Variants in TANK observed in about 807,000 individuals in gnomAD.
The protein encoded by TANK is TRAF family member-associated NF-kappa-B activator.
TANK carries 15 observed loss-of-function variants against 43.6 expected under a neutral mutation model. The observed-to-expected ratio is 0.34, with a 90% CI of 0.23 to 0.53. The LOEUF (loss-of-function observed/expected upper bound fraction) is 0.53. Among genes scored for constraint, TANK ranks in the 20% least tolerant of loss-of-function variants. The pLI, the probability that TANK is intolerant of heterozygous loss-of-function variation, is 0.94. For synonymous variants in TANK, 162 were observed against 178.2 expected (o/e 0.91, Z 0.73); for missense variants, 417 against 498.6 (o/e 0.84, Z 1.56).
chr2:161,202,831 TTG>T, intron 2 of TANK: 1 of 465,396 alleles, frequency 2.1e-6, no homozygotes. Context: ...CAGTACAAAC[TTG>T]TGTCTTTTTT....
chr2:161,139,379 A>G (rs1683678164), intron 1 of TANK, among the ~76,000 whole-genome samples: 1 of 152,196 alleles, frequency 6.6e-6, no homozygotes, highest in African/African-American at 2.4e-5. Context: ...TATTTAAATA[A>G]AAACAAAATA....
chr2:161,155,839 T>C (rs1003681211), upstream of TANK, among the ~76,000 whole-genome samples: 16 of 152,194 alleles, frequency 1.1e-4, no homozygotes, highest in Admixed American at 9.2e-4. Context: ...ATTGCCTGAT[T>C]CTTGTATGTA....
chr2:161,143,930 A>G (rs878984143), intron 1 of TANK, among the ~76,000 whole-genome samples: 1 of 152,128 alleles, frequency 6.6e-6, no homozygotes, highest in Non-Finnish European at 1.5e-5. Flanking sequence ...TCATCCATGA[A>G]TCCATCTGGT....
intron 4 of TANK, among the ~76,000 whole-genome samples, chr2:161,211,438 G>T (rs1686883388): frequency 6.6e-6 from 1 of 152,106 alleles, no homozygotes; most frequent in Admixed American, 6.5e-5. Flanking sequence ...GCTGTATGTT[G>T]TCCAGGTACC....
chr2:161,233,222 A>G (rs1559013679), intron 7 of TANK, among the ~76,000 whole-genome samples: 2 of 152,044 alleles, frequency 1.3e-5, no homozygotes, highest in African/African-American at 2.4e-5. Flanking sequence ...TGTCTCTACA[A>G]ATACGTATAG....
At chr2:161,194,004 T>C (rs1031949934) in intron 2 of TANK, among the ~76,000 whole-genome samples, 5 of 152,194 alleles carry the variant, frequency 3.3e-5, no homozygotes, top group African/African-American at 7.2e-5. Context: ...TAATATGGAA[T>C]TAAATATTTA....
intron 1 of TANK, among the ~76,000 whole-genome samples, chr2:161,150,607 TTTC>T (rs1216235243): frequency 0.026 from 3,639 of 142,230 alleles, 106 homozygotes; most frequent in East Asian, 0.14. Flanking sequence ...TTTTTTTTTT[TTTC>T]TTTTGAGATG....
intron 4 of TANK, among the ~76,000 whole-genome samples, chr2:161,210,720 T>C (rs1314596117): frequency 6.6e-6 from 1 of 151,130 alleles, no homozygotes; most frequent in Non-Finnish European, 1.5e-5. Context: ...AAAAAGAAAT[T>C]CTAACTATAA....
intron 4 of TANK, among the ~76,000 whole-genome samples, chr2:161,218,943 A>G (rs573687067): frequency 1.1e-4 from 16 of 152,268 alleles, no homozygotes; most frequent in African/African-American, 3.1e-4. Flanking sequence ...GTTCATTTTA[A>G]ATGTAGTGTT....
chr2:161,230,955 G>A lies in TANK; in HGVS notation c.521-16G>A, dbSNP rs1687882324. ...TTGAATGCGGCTGTTTCTCTTTTGT[G>A]TTCTTCTCCCTCCAGAAACACAGTG... On this transcript the variant is annotated splice_polypyrimidine_tract_variant and intron_variant, in intron 6 of 7. Transcript: ENST00000392749. The A allele has an allele frequency of 2.5e-6, 4 of 1,599,840 alleles. No individual in the cohort carries two copies. The highest frequency in any genetic ancestry group is 3.4e-6 in the Non-Finnish European group (4 of 1,167,680).
chr2:161,196,817 T>A (rs1686174364), intron 2 of TANK, among the ~76,000 whole-genome samples: 1 of 152,156 alleles, frequency 6.6e-6, no homozygotes, highest in African/African-American at 2.4e-5. Context: ...GGCAGATTAT[T>A]TTGTACCTCT....
chr2:161,209,737 T>C (rs1437938947), intron 4 of TANK, among the ~76,000 whole-genome samples: 1 of 152,198 alleles, frequency 6.6e-6, no homozygotes, highest in Non-Finnish European at 1.5e-5. Flanking sequence ...TTTGGTGATA[T>C]TGGTAAATTA....
intron 1 of TANK, among the ~76,000 whole-genome samples, chr2:161,137,558 A>G (rs918225498): frequency 1.3e-5 from 2 of 152,182 alleles, no homozygotes; most frequent in Non-Finnish European, 2.9e-5. Context: ...GCTGAAAGAT[A>G]TTTGGCTTAA....
chr2:161,212,052 T>C (rs1686914310), intron 4 of TANK: 29 of 810,636 alleles, frequency 3.6e-5, no homozygotes, highest in Non-Finnish European at 4.3e-5. Flanking sequence ...CAAAGAGTCA[T>C]AATACATAAA....
intron 1 of TANK, among the ~76,000 whole-genome samples, chr2:161,174,177 A>C (rs1274382942): frequency 1.3e-5 from 2 of 152,126 alleles, no homozygotes; most frequent in African/African-American, 4.8e-5. Flanking sequence ...TGATGTGAAA[A>C]GTGATGTTCA....
At position 161,225,216 on chromosome 2, in the gene TANK, GTTT is replaced by G. The variant is rs1454361003; in HGVS notation, c.520+475_520+477del. On this transcript the variant is annotated intron_variant, in intron 6 of 7. Transcript: ENST00000392749. The stretch of plus-strand genomic sequence containing the variant: ...TGCATTACATACACTATGGATAGAT[GTTT>G]TTTTAATGTTCTTTTTTTTTTAATT... Among the ~76,000 whole-genome samples, 4 of 151,820 alleles carry G rather than the reference GTTT, an allele frequency of 2.6e-5. No individual in the cohort carries two copies. The East Asian group carries it at 7.7e-4, about 29-fold the overall frequency.
At chr2:161,205,385 G>T (rs1358030960) in intron 4 of TANK, among the ~76,000 whole-genome samples, 5 of 151,518 alleles carry the variant, frequency 3.3e-5, no homozygotes, top group African/African-American at 7.3e-5. Context: ...GTGTGTGTGT[G>T]GTGTGTGTGT....
chr2:161,223,775 A>G, intron 4 of TANK, 140 bp from the exon 5 acceptor site: 2 of 493,244 alleles, frequency 4.1e-6, no homozygotes, highest in Non-Finnish European at 7.4e-6. Context: ...TGTATATTAC[A>G]TATAGGTCTA....
chr2:161,201,727 AT>A (rs948260996), intron 2 of TANK, among the ~76,000 whole-genome samples: 7 of 152,076 alleles, frequency 4.6e-5, no homozygotes, highest in Non-Finnish European at 7.4e-5. Flanking sequence ...TTTGCTGTAG[AT>A]TTTTGGATCC....
Sources: allele counts gnomAD v4.1 joint callset (sites outside exome capture counted in the v4.1 genomes callset), GRCh38; gene constraint gnomAD v4.1.1; transcripts MANE v1.5; gene names NCBI Gene and HGNC (gene_info 2026-07-23, HGNC 2026-07-21).